The following ETFDH variants were observed in gnomAD, a reference collection of about 807,000 sequenced individuals.
ETFDH encodes the protein electron transfer flavoprotein-ubiquinone oxidoreductase, mitochondrial.
A neutral mutation model predicts 73.2 loss-of-function variants in ETFDH; 61 were observed. That is an observed-to-expected ratio of 0.83 (90% CI 0.68 to 1.03). The LOEUF (loss-of-function observed/expected upper bound fraction) is 1.03. ETFDH is among the 50% of genes least tolerant of loss of function. The pLI, the probability that ETFDH is intolerant of heterozygous loss-of-function variation, is 0.00. For synonymous variants in ETFDH, 243 were observed against 253.3 expected, an observed-to-expected ratio of 0.96 and a Z score of 0.39; for missense variants, 685 against 745.0, an observed-to-expected ratio of 0.92 and a Z score of 0.94.
At chr4:158,708,095 C>T (rs1045631108) in intron 12 of ETFDH, among the ~76,000 whole-genome samples, 2 of 152,128 alleles carry the variant, frequency 1.3e-5, no homozygotes, top group African/African-American at 4.8e-5. Flanking sequence ...GGGAGGACTT[C>T]GAGGTTGTGT....
intron 6 of ETFDH, among the ~76,000 whole-genome samples, chr4:158,692,399 CAAAAAAAAAAAAA>C (rs35615738): frequency 5.5e-5 from 5 of 91,458 alleles, no homozygotes; most frequent in African/African-American, 2.3e-4. Flanking sequence ...GACACCGTCT[CAAAAAAAAAAAAA>C]AAAAAAAAAA....
At chr4:158,698,784 G>A (rs1020758936) in intron 8 of ETFDH, among the ~76,000 whole-genome samples, 1 of 152,118 alleles carries the variant, frequency 6.6e-6, no homozygotes, top group African/African-American at 2.4e-5. Context: ...ATAAACACAT[G>A]CTATCCTTTT....
intron 9 of ETFDH, among the ~76,000 whole-genome samples, chr4:158,701,602 G>C (rs1774463849): frequency 1.3e-5 from 2 of 152,158 alleles, no homozygotes; most frequent in Non-Finnish European, 2.9e-5. Flanking sequence ...TGTGGCGACA[G>C]AGTGCTCACC....
chr4:158,672,342 G>A lies in ETFDH; in HGVS notation c.-115G>A, dbSNP rs891645583. 1.4e-5 allele frequency: 15 copies of A among 1,057,288 alleles called. No individual in the cohort carries two copies. Among genetic ancestry groups the A allele is most frequent in the Non-Finnish European group, 2.1e-5 (14 of 673,878 alleles). The allele number at this position is 1,057,288 out of a possible 1,614,324, so 65.5% of individuals were successfully genotyped here. A position where few individuals can be genotyped will look rare whatever the true frequency, so the allele number is the denominator to read the frequency against. The stretch of plus-strand genomic sequence containing the variant: ...GAGCGGGGAGGCGAACTGCAGCAGA[G>A]TTCTTGCTTTCCGGCAGGTGATGGC... On this transcript the variant is annotated 5_prime_UTR_variant, in exon 1 of 13. Transcript: ENST00000511912.
intron 5 of ETFDH, among the ~76,000 whole-genome samples, chr4:158,687,244 G>T (rs758138268): frequency 6.6e-6 from 1 of 152,192 alleles, no homozygotes; most frequent in African/African-American, 2.4e-5. Flanking sequence ...TGGTAGGCCC[G>T]TATTTTAGGA....
intron 1 of ETFDH, among the ~76,000 whole-genome samples, chr4:158,672,897 G>C (rs80050238): frequency 0.012 from 1,770 of 152,288 alleles, 26 homozygotes; most frequent in African/African-American, 0.038. Flanking sequence ...TTCGTCTTCG[G>C]AGCCATTCTA....
rs1221668968 is a variant in ETFDH at position 158,681,838 on chromosome 4, A to G, written c.176-357A>G. The G allele has an allele frequency of 8.9e-6, 3 of 337,426 alleles. No individual in the cohort carries two copies. The East Asian group carries it at 2.4e-4, about 27-fold the overall frequency. The allele number at this position is 337,426 out of a possible 1,614,324, so 20.9% of individuals were successfully genotyped here. On this transcript the variant is annotated intron_variant, in intron 2 of 12. Coordinates refer to ENST00000511912, the MANE Select transcript of ETFDH (RefSeq NM_004453.4). ...CTGTTCAATTAGTTTGTGTAAGTAT[A>G]CTCTATGATGTTTGCAAAAGGGCAA...
intron 9 of ETFDH, among the ~76,000 whole-genome samples, chr4:158,702,129 C>T (rs1277622943): frequency 1.3e-5 from 2 of 151,218 alleles, no homozygotes; most frequent in African/African-American, 2.4e-5. Context: ...TGTATTACCC[C>T]GAATGCATGT....
At chr4:158,704,233 T>C (rs1774546623) in intron 10 of ETFDH, among the ~76,000 whole-genome samples, 1 of 152,228 alleles carries the variant, frequency 6.6e-6, no homozygotes, top group South Asian at 2.1e-4. Flanking sequence ...TAAGTATCAA[T>C]AGAACAAACA....
At chr4:158,680,386 T>C (rs569876455) in intron 1 of ETFDH, 81 bp from the exon 2 acceptor site, 5 of 929,246 alleles carry the variant, frequency 5.4e-6, no homozygotes, top group Non-Finnish European at 8.8e-6. Context: ...TCATTGAGTA[T>C]AGTCATTCAC....
intron 1 of ETFDH, among the ~76,000 whole-genome samples, chr4:158,677,279 T>C (rs565958092): frequency 6.6e-6 from 1 of 152,366 alleles, no homozygotes; most frequent in South Asian, 2.1e-4. Flanking sequence ...CTTGATTTTA[T>C]ACATTTTAGG....
intron 12 of ETFDH, 72 bp from the exon 13 acceptor site, chr4:158,708,292 T>TTAA: frequency 8.4e-7 from 1 of 1,187,734 alleles, no homozygotes; most frequent in Non-Finnish European, 1.2e-6. Flanking sequence ...TACTCTTTCC[T>TTAA]TAATTTTTAC....
intron 8 of ETFDH, 137 bp downstream of exon 8, chr4:158,697,836 T>A (rs1774352739): frequency 1.3e-6 from 1 of 770,966 alleles, no homozygotes; most frequent in African/African-American, 1.7e-5. Context: ...ATATGTAAAG[T>A]GCTTATGGCT....
chr4:158,687,874 A>G (rs889983848), intron 5 of ETFDH, among the ~76,000 whole-genome samples: 1 of 151,690 alleles, frequency 6.6e-6, no homozygotes, highest in Non-Finnish European at 1.5e-5. Context: ...CCCCGTCTCT[A>G]CTAAAAATAC....
intron 1 of ETFDH, among the ~76,000 whole-genome samples, chr4:158,675,123 T>C (rs976103541): frequency 6.6e-5 from 10 of 152,222 alleles, no homozygotes; most frequent in African/African-American, 2.2e-4. Context: ...GTTTTTAGTA[T>C]AGTCAGAGTT....
At chr4:158,687,822 C>T (rs1461732394) in intron 5 of ETFDH, among the ~76,000 whole-genome samples, 2 of 151,974 alleles carry the variant, frequency 1.3e-5, no homozygotes, top group Non-Finnish European at 1.5e-5. Flanking sequence ...AGGCAGGTCA[C>T]GAGGTCAGGA....
intron 8 of ETFDH, among the ~76,000 whole-genome samples, chr4:158,697,920 A>T (rs1388935636): frequency 6.6e-6 from 1 of 152,248 alleles, no homozygotes; most frequent in East Asian, 1.9e-4. Context: ...ACTGTGCTGG[A>T]TGCTTTTCTG....
chr4:158,704,553 GT>G (rs1774556537), intron 10 of ETFDH, among the ~76,000 whole-genome samples: 1 of 152,114 alleles, frequency 6.6e-6, no homozygotes, highest in Non-Finnish European at 1.5e-5. Context: ...CACACACCCA[GT>G]TCCCCCTGCA....
At chr4:158,680,226 A>G in intron 1 of ETFDH, 1 of 419,340 alleles carries the variant, frequency 2.4e-6, no homozygotes, top group Middle Eastern at 7.2e-4. Context: ...TTCAGCTTTC[A>G]TGACTAATCC....
Sources: allele counts gnomAD v4.1 joint callset (sites outside exome capture counted in the v4.1 genomes callset), GRCh38; gene constraint gnomAD v4.1.1; transcripts MANE v1.5; gene names NCBI Gene and HGNC (gene_info 2026-07-23, HGNC 2026-07-21).